UNC5D: variants seen among roughly 807,000 people sequenced by gnomAD.
The protein encoded by UNC5D is netrin receptor UNC5D.
UNC5D carries 39 observed loss-of-function variants against 105.4 expected under a neutral mutation model. The ratio of observed to expected loss-of-function variants is 0.37; its 90% CI spans 0.29 to 0.48. The LOEUF is 0.48. UNC5D is among the 20% of genes least tolerant of loss of function. The probability of loss-of-function intolerance (pLI) is 0.98; values close to 1 mark genes in which losing one functional copy is unlikely to be tolerated. For missense variants in UNC5D, 991 were observed against 1,202.4 expected, an observed-to-expected ratio of 0.82 and a Z score of 2.60; for synonymous variants, 452 against 450.4, an observed-to-expected ratio of 1.00 and a Z score of -0.04.
At position 35,327,564 on chromosome 8, in the gene UNC5D, T is replaced by C. The variant is rs552848945; in HGVS notation, c.103+91677T>C. ...TGGGTGGGCTCCTCTGCCAGGGGCA[T>C]ATTTGACCTCTCTCTTCTGCATTTA... is the stretch of plus-strand genomic sequence containing the variant. On this transcript the variant is annotated intron_variant, in intron 1 of 16. Transcript: ENST00000404895. Among the ~76,000 whole-genome samples the C allele has an allele frequency of 7.2e-5, 11 of 152,312 alleles. No homozygotes were observed. In the South Asian group the frequency reaches 2.3e-3, roughly 32 times the overall value.
chr8:35,452,150 T>G (rs1054065934), intron 1 of UNC5D, among the ~76,000 whole-genome samples: 2 of 152,226 alleles, frequency 1.3e-5, no homozygotes, highest in East Asian at 3.9e-4. Flanking sequence ...AATTAGTATA[T>G]GAATCAATAT....
At position 35,759,382 on chromosome 8, in the gene UNC5D, T is replaced by C. The variant is rs370045349; in HGVS notation, c.2226T>C (p.His742=). ...TCCTGGAAGAACCAAAATTGCTGCA[T>C]TTCAAAGGGAATACCTTTAGTCTTC... ...GQLLEEPKLL[H]FKGNTFSLQI... is the part of the protein sequence containing the mutation. The change falls in exon 14 of 17, where the codon CAT becomes CAC. Residue 742 remains histidine, a synonymous_variant. Transcript: ENST00000404895. The C allele has an allele frequency of 1.2e-5, 20 of 1,614,146 alleles. No individual in the cohort carries two copies. The highest frequency in any genetic ancestry group is 1.5e-5 in the Non-Finnish European group (18 of 1,179,986).
At chr8:35,758,634 G>A (rs374124758) in intron 13 of UNC5D, among the ~76,000 whole-genome samples, 6 of 152,216 alleles carry the variant, frequency 3.9e-5, no homozygotes, top group Non-Finnish European at 8.8e-5. Context: ...TCAACAGAAT[G>A]TATGTGGATT....
At chr8:35,583,674 T>G (rs1818596691) in intron 3 of UNC5D, among the ~76,000 whole-genome samples, 2 of 152,086 alleles carry the variant, frequency 1.3e-5, no homozygotes, top group Admixed American at 1.3e-4. Flanking sequence ...AAAATGTGAG[T>G]TATCAGTGTA....
At chr8:35,706,409 G>T (rs928174198) in intron 8 of UNC5D, among the ~76,000 whole-genome samples, 1 of 152,094 alleles carries the variant, frequency 6.6e-6, no homozygotes, top group African/African-American at 2.4e-5. Flanking sequence ...AAATAATGAC[G>T]AGCTGAGGAT....
At chr8:35,543,538 C>T (rs1248999105) in intron 1 of UNC5D, among the ~76,000 whole-genome samples, 1 of 152,154 alleles carries the variant, frequency 6.6e-6, no homozygotes, top group African/African-American at 2.4e-5. Context: ...CTAATGTTCA[C>T]CACGTCCTTA....
chr8:35,423,262 C>T (rs1480610738), intron 1 of UNC5D, among the ~76,000 whole-genome samples: 1 of 152,180 alleles, frequency 6.6e-6, no homozygotes, highest in African/African-American at 2.4e-5. Context: ...TAGTCCCTGT[C>T]ACCACACGTG....
intron 1 of UNC5D, among the ~76,000 whole-genome samples, chr8:35,385,530 A>G (rs1385970375): frequency 7.2e-6 from 1 of 138,148 alleles, no homozygotes; most frequent in African/African-American, 2.8e-5. Flanking sequence ...CAGTGGTGCA[A>G]TCTCCGCTCA....
intron 4 of UNC5D, among the ~76,000 whole-genome samples, chr8:35,644,635 T>C (rs1427313110): frequency 6.6e-6 from 1 of 152,192 alleles, no homozygotes; most frequent in Non-Finnish European, 1.5e-5. Context: ...GCTCACTTTG[T>C]AACCATCATG....
chr8:35,723,766 T>G (rs901459221), intron 9 of UNC5D, among the ~76,000 whole-genome samples: 2 of 152,132 alleles, frequency 1.3e-5, no homozygotes, highest in Non-Finnish European at 1.5e-5. Context: ...TAATAAAATA[T>G]CAATATCTTA....
chr8:35,694,699 G>A (rs1224549688), intron 7 of UNC5D, among the ~76,000 whole-genome samples: 1 of 150,626 alleles, frequency 6.6e-6, no homozygotes, highest in Non-Finnish European at 1.5e-5. Flanking sequence ...TAACTATAGT[G>A]TGTGTGTGTG....
intron 1 of UNC5D, among the ~76,000 whole-genome samples, chr8:35,399,904 G>A (rs1331064187): frequency 6.6e-6 from 1 of 152,160 alleles, no homozygotes; most frequent in Non-Finnish European, 1.5e-5. Context: ...GGAAATGTGA[G>A]AATAGGGTCT....
intron 1 of UNC5D, among the ~76,000 whole-genome samples, chr8:35,307,355 C>T (rs1808501556): frequency 6.6e-6 from 1 of 152,128 alleles, no homozygotes; most frequent in African/African-American, 2.4e-5. Context: ...AGACAAGAGT[C>T]CTTATCTGCC....
intron 1 of UNC5D, among the ~76,000 whole-genome samples, chr8:35,262,359 C>T (rs1002611652): frequency 3.9e-5 from 6 of 152,118 alleles, no homozygotes; most frequent in African/African-American, 1.4e-4. Flanking sequence ...TTGACTGTTT[C>T]AAAGATTGTG....
intron 1 of UNC5D, among the ~76,000 whole-genome samples, chr8:35,319,706 C>T (rs1239961907): frequency 6.6e-6 from 1 of 151,882 alleles, no homozygotes; most frequent in East Asian, 1.9e-4. Flanking sequence ...GTGGTTGAAA[C>T]TTTGAAAAGT....
rs373500128 is a variant in UNC5D, at chr8:35,567,503, A to G, written c.323-595A>G. On this transcript the variant is annotated intron_variant, in intron 2 of 16. Coordinates refer to ENST00000404895, the MANE Select transcript of UNC5D (RefSeq NM_080872.4). The stretch of plus-strand genomic sequence containing the variant: ...GATCCCCATCGCTTAAAAAAAAAAT[A>G]CTTATTTCAACTTGTCTCCTCTTTG... Among the ~76,000 whole-genome samples, 9 of 152,160 alleles carry G rather than the reference A, an allele frequency of 5.9e-5. No homozygotes were observed. The South Asian group carries it at 6.2e-4, about 11-fold the overall frequency.
chr8:35,486,251 A>T (rs1810815131), intron 1 of UNC5D, among the ~76,000 whole-genome samples: 1 of 152,196 alleles, frequency 6.6e-6, no homozygotes. Flanking sequence ...AATTCCTGTT[A>T]TGCATACGTA....
intron 14 of UNC5D, among the ~76,000 whole-genome samples, chr8:35,765,860 G>T (rs1801741643): frequency 6.6e-6 from 1 of 152,042 alleles, no homozygotes; most frequent in Admixed American, 6.6e-5. Context: ...TTTATTTTTA[G>T]CAATAGGTAA....
At chr8:35,397,131 C>G (rs907048769) in intron 1 of UNC5D, among the ~76,000 whole-genome samples, 8 of 152,042 alleles carry the variant, frequency 5.3e-5, no homozygotes, top group African/African-American at 1.9e-4. Context: ...GTCTTGAACT[C>G]CTGACCTCAG....
Sources: gnomAD v4.1 joint callset for allele counts (sites outside exome capture counted in the v4.1 genomes callset) on GRCh38, gnomAD v4.1.1 for gene constraint, MANE v1.5 for transcripts, NCBI Gene and HGNC (gene_info 2026-07-23, HGNC 2026-07-21) for gene names.